The following ARPC5 variants were observed in gnomAD, a reference collection of about 807,000 sequenced individuals.
ARPC5 encodes actin-related protein 2/3 complex subunit 5.
A neutral mutation model predicts 15.4 loss-of-function variants in ARPC5; 5 were observed. That is an observed-to-expected ratio of 0.32 (90% CI 0.17 to 0.68). The LOEUF (loss-of-function observed/expected upper bound fraction) is 0.68. Among genes scored for constraint, ARPC5 ranks in the 30% least tolerant of loss-of-function variants. The pLI, the probability that ARPC5 is intolerant of heterozygous loss-of-function variation, is 0.71. For missense variants in ARPC5, 138 were observed against 192.8 expected, an observed-to-expected ratio of 0.72 and a Z score of 1.68; for synonymous variants, 85 against 72.2, an observed-to-expected ratio of 1.18 and a Z score of -0.90.
In ARPC5 at chr1:183,622,124, A is replaced by C. The variant is rs1228094983; in HGVS notation, c.*5408T>G. The C allele has an allele frequency of 6.6e-6, 1 of 152,238 alleles. No homozygotes were observed. Among genetic ancestry groups the C allele is most frequent in the Non-Finnish European group, 1.5e-5 (1 of 68,026 alleles). The allele number at this position is 152,238 out of a possible 1,614,324, so 9.4% of individuals were successfully genotyped here. A position where few individuals can be genotyped will look rare whatever the true frequency, so the allele number is the denominator to read the frequency against. On this transcript the variant is annotated 3_prime_UTR_variant, in exon 4 of 4. Transcript: ENST00000359856. ...ATATAGTATGTTAGTATTTATGTACACAAAGGGGTAAAATCTTATATAGGT... is the reference window on the plus strand; with the variant it reads ...ATATAGTATGTTAGTATTTATGTACCCAAAGGGGTAAAATCTTATATAGGT...
intron 3 of ARPC5, among the ~76,000 whole-genome samples, chr1:183,627,964 G>A (rs1226555413): frequency 1.3e-5 from 2 of 151,892 alleles, no homozygotes; most frequent in Non-Finnish European, 2.9e-5. Flanking sequence ...ACGAGGTCAG[G>A]AGATCAAGAC....
intron 1 of ARPC5, among the ~76,000 whole-genome samples, chr1:183,634,350 T>C (rs1268588933): frequency 6.6e-6 from 1 of 152,220 alleles, no homozygotes; most frequent in East Asian, 1.9e-4. Flanking sequence ...ATCTATATAT[T>C]GATAAATGTC....
rs540664524 is a variant in ARPC5, at chr1:183,623,635, T to G, written c.*3897A>C. The G allele has an allele frequency of 5.1e-5, 43 of 841,054 alleles. 1 individual carries two copies. In the South Asian group the frequency reaches 7.2e-4, roughly 14 times the overall value. 52.1% of individuals were successfully genotyped at this position (841,054 alleles called of 1,614,324 possible). A position where few individuals can be genotyped will look rare whatever the true frequency, so the allele number is the denominator to read the frequency against. ...AGAGGCCGTTGGTCTGTTCCTTAAT[T>G]GGGTGTGTTTTTCAATTATTTTGGT... On this transcript the variant is annotated 3_prime_UTR_variant, in exon 4 of 4. Coordinates refer to ENST00000359856, the MANE Select transcript of ARPC5 (RefSeq NM_005717.4).
intron 1 of ARPC5, chr1:183,633,874 A>C (rs1366727755): frequency 6.6e-6 from 1 of 152,234 alleles, no homozygotes; most frequent in Non-Finnish European, 1.5e-5. Flanking sequence ...AGACTGTCAG[A>C]ATGTACAAAC....
chr1:183,629,496 T>C (rs898471410), intron 3 of ARPC5, among the ~76,000 whole-genome samples: 3 of 152,160 alleles, frequency 2.0e-5, no homozygotes, highest in Non-Finnish European at 2.9e-5. Flanking sequence ...ATGTGCTTTT[T>C]TCTTATGTTT....
At chr1:183,631,305 T>G (rs1334089358) in intron 2 of ARPC5, 2 of 150,726 alleles carry the variant, frequency 1.3e-5, no homozygotes, top group African/African-American at 2.4e-5. Context: ...AACGGCCGGG[T>G]GTGGTGGCCC....
Position 183,627,554 on chromosome 1 carries a change from A to C in ARPC5, c.434T>G (p.Leu145Trp). ...AGACTACACAGTTTTTCTTGCAGTC[A>C]AGACACGAACAATGGACCCTACTCC... ...AGGVGSIVRV[L>W]TARKTV The change falls in exon 4 of 4, where the codon TTG becomes TGG. Residue 145 changes from leucine (L) to tryptophan (W), a missense_variant. Around this residue, in one of 3 missense-constraint regions of ARPC5, gnomAD observed 121 missense variants for 153.7 expected, o/e 0.79. Transcript: ENST00000359856. The C allele has an allele frequency of 6.2e-7, 1 of 1,614,176 alleles. No homozygotes were observed. Among genetic ancestry groups the C allele is most frequent in the Non-Finnish European group, 8.5e-7 (1 of 1,180,010 alleles).
chr1:183,635,179 G>A (rs918900056), intron 1 of ARPC5, among the ~76,000 whole-genome samples: 1 of 152,214 alleles, frequency 6.6e-6, no homozygotes, highest in African/African-American at 2.4e-5. Flanking sequence ...CACCAGCCGG[G>A]GCCGCCTTCC....
Position 183,623,353 on chromosome 1 carries a change from A to T in ARPC5, c.*4179T>A. On this transcript the variant is annotated 3_prime_UTR_variant, in exon 4 of 4. Transcript: ENST00000359856. ...AATGTTAAAGTGAATGCTGTGTCCC[A>T]TGTTGCTTGTGGTTGGATCATCAAT... 7.1e-7 allele frequency: 1 copy of T among 1,407,598 alleles called. No homozygotes were observed. Among genetic ancestry groups the T allele is most frequent in the Non-Finnish European group, 9.8e-7 (1 of 1,016,694 alleles). The allele number at this position is 1,407,598 out of a possible 1,614,324, so 87.2% of individuals were successfully genotyped here. A position where few individuals can be genotyped will look rare whatever the true frequency, so the allele number is the denominator to read the frequency against.
intron 3 of ARPC5, among the ~76,000 whole-genome samples, chr1:183,628,060 C>T (rs1031780653): frequency 6.6e-6 from 1 of 150,816 alleles, no homozygotes; most frequent in African/African-American, 2.4e-5. Flanking sequence ...GTAGTCCCAG[C>T]TACTCGGGAG....
chr1:183,628,720 A>T (rs1016918157), intron 3 of ARPC5, among the ~76,000 whole-genome samples: 1 of 152,208 alleles, frequency 6.6e-6, no homozygotes, highest in African/African-American at 2.4e-5. Flanking sequence ...ACATTAAAAG[A>T]ATGAGTAGGT....
chr1:183,622,022 G>A lies in ARPC5; in HGVS notation c.*5510C>T, dbSNP rs887717968. The stretch of plus-strand genomic sequence containing the variant: ...GTTCAAATGCCTCTGAAGGGAATAA[G>A]GAAGTTCTTTATGTATTGATAGGAA... On this transcript the variant is annotated 3_prime_UTR_variant, in exon 4 of 4. Transcript: ENST00000359856. 6.6e-6 allele frequency: 1 copy of A among 152,108 alleles called. No individual in the cohort carries two copies. Among genetic ancestry groups the A allele is most frequent in the Admixed American group, 6.5e-5 (1 of 15,270 alleles). 9.4% of individuals were successfully genotyped at this position (152,108 alleles called of 1,614,324 possible).
rs57309485 is a variant in ARPC5, at chr1:183,624,051, C to CCT, written c.*3480_*3481insAG. 11,991 of 152,942 alleles carry CCT rather than the reference C, an allele frequency of 0.078. 920 individuals carry two copies. The highest frequency in any genetic ancestry group is 0.2 in the African/African-American group (8,260 of 41,292). The allele number at this position is 152,942 out of a possible 1,614,324, so 9.5% of individuals were successfully genotyped here. On this transcript the variant is annotated 3_prime_UTR_variant, in exon 4 of 4. Transcript: ENST00000359856. Reference sequence around the variant, plus strand: ...AAAAAAAAATTAATTAATTAATTTTCTTTTTTACCTTTATACATGGGGTTA... The same window carrying CCT: ...AAAAAAAAATTAATTAATTAATTTTCCTTTTTTTACCTTTATACATGGGGTTA...
Position 183,621,027 on chromosome 1 carries a change from T to C in ARPC5, c.*6505A>G, listed in dbSNP as rs1161906828. ...ATAGAAAAGAAAATACAACTGGCTA[T>C]TAGGCATGTGAAAAGATGTGCAATC... On this transcript the variant is annotated 3_prime_UTR_variant, in exon 4 of 4. Transcript: ENST00000359856. 6.6e-6 allele frequency: 1 copy of C among 152,146 alleles called. No individual in the cohort carries two copies. Among genetic ancestry groups the C allele is most frequent in the Non-Finnish European group, 1.5e-5 (1 of 68,018 alleles). 9.4% of individuals were successfully genotyped at this position (152,146 alleles called of 1,614,324 possible). A position where few individuals can be genotyped will look rare whatever the true frequency, so the allele number is the denominator to read the frequency against.
intron 3 of ARPC5, 72 bp downstream of exon 3, chr1:183,630,389 G>T (rs1008289138): frequency 2.5e-6 from 3 of 1,217,510 alleles, no homozygotes; most frequent in Non-Finnish European, 3.4e-6. Flanking sequence ...GGTTATTTAG[G>T]TGAGAGAGGT....
rs1648983762 is a variant in ARPC5 at position 183,623,110 on chromosome 1, G to A, written c.*4422C>T. 2.9e-6 allele frequency: 1 copy of A among 348,962 alleles called. No individual in the cohort carries two copies. Among genetic ancestry groups the A allele is most frequent in the South Asian group, 3.0e-5 (1 of 33,100 alleles). The allele number at this position is 348,962 out of a possible 1,614,324, so 21.6% of individuals were successfully genotyped here. A position where few individuals can be genotyped will look rare whatever the true frequency, so the allele number is the denominator to read the frequency against. On this transcript the variant is annotated 3_prime_UTR_variant, in exon 4 of 4. Transcript: ENST00000359856. ...TACAGTCTAGCAGCAAGGTCAAGAG[G>A]GTGTGTCTTGCAGAGCAGGAGCTAA... is the stretch of plus-strand genomic sequence containing the variant.
Position 183,628,538 on chromosome 1 carries a change from T to C in ARPC5, c.394-944A>G, listed in dbSNP as rs541170981. ...TGCTGGGGATACAAAAGTGAACAAATACAGCATTTTCTGGTCTAGCATGAG... is the reference window on the plus strand; with the variant it reads ...TGCTGGGGATACAAAAGTGAACAAACACAGCATTTTCTGGTCTAGCATGAG... On this transcript the variant is annotated intron_variant, in intron 3 of 3. Coordinates refer to ENST00000359856, the MANE Select transcript of ARPC5 (RefSeq NM_005717.4). Among the ~76,000 whole-genome samples, 6 of 152,282 alleles carry C rather than the reference T, an allele frequency of 3.9e-5. No individual in the cohort carries two copies. In the South Asian group the frequency reaches 1.2e-3, roughly 32 times the overall value.
In ARPC5 at chr1:183,623,417, G is replaced by A; in HGVS notation, c.*4115C>T. The A allele has an allele frequency of 6.4e-7, 1 of 1,550,476 alleles. No individual in the cohort carries two copies. Among genetic ancestry groups the A allele is most frequent in the African/African-American group, 1.4e-5 (1 of 73,136 alleles). Reference sequence around the variant, plus strand: ...ACCACCTTGAGGCAGATGACATGCTGTACCTCTGTGGGCTTCCCGGGCCTC... The same window carrying A: ...ACCACCTTGAGGCAGATGACATGCTATACCTCTGTGGGCTTCCCGGGCCTC... On this transcript the variant is annotated 3_prime_UTR_variant, in exon 4 of 4. Transcript: ENST00000359856.
At chr1:183,635,351 TC>T (rs1649442183) in intron 1 of ARPC5, among the ~76,000 whole-genome samples, 165 bp downstream of exon 1, 1 of 152,012 alleles carries the variant, frequency 6.6e-6, no homozygotes, top group African/African-American at 2.4e-5. Flanking sequence ...AACGGGGGCT[TC>T]CCCCTTGCCC....
Sources: gnomAD v4.1 joint callset for allele counts (sites outside exome capture counted in the v4.1 genomes callset) on GRCh38, gnomAD v4.1.1 for gene constraint, gnomAD v4.1.1 regional missense constraint, MANE v1.5 for transcripts, NCBI Gene and HGNC (gene_info 2026-07-23, HGNC 2026-07-21) for gene names.